The following EIF4A1 variants were observed in gnomAD, a reference collection of about 807,000 sequenced individuals.
EIF4A1 encodes the protein eukaryotic initiation factor 4A-I.
A neutral mutation model predicts 53.5 loss-of-function variants in EIF4A1; 11 were observed. That is an observed-to-expected ratio of 0.21 (90% CI 0.13 to 0.34). The LOEUF (loss-of-function observed/expected upper bound fraction) is 0.34. Among genes scored for constraint, EIF4A1 ranks in the 10% least tolerant of loss-of-function variants. EIF4A1 has a pLI of 1.00. For missense variants in EIF4A1, 213 were observed against 530.8 expected (o/e 0.40, Z 5.88); for synonymous variants, 237 against 186.7 (o/e 1.27, Z -2.20).
chr17:7,576,952 C>A, intron 5 of EIF4A1, 104 bp from the exon 6 acceptor site: 2 of 1,400,460 alleles, frequency 1.4e-6, no homozygotes, highest in East Asian at 4.6e-5. Flanking sequence ...ACTCTGAGAG[C>A]AGACTACTTG....
At chr17:7,574,741 G>C (rs2071377330) in intron 3 of EIF4A1, 63 bp downstream of exon 3, 1 of 1,605,252 alleles carries the variant, frequency 6.2e-7, no homozygotes, top group African/African-American at 1.3e-5. Context: ...AGTGGCATCT[G>C]GTTGGTGATG....
Position 7,578,714 on chromosome 17 carries a change from A to AAC in EIF4A1, c.*229_*230insCA. 1 of 403,076 alleles carries AAC rather than the reference A, an allele frequency of 2.5e-6. No homozygotes were observed. The highest frequency in any genetic ancestry group is 4.3e-6 in the Non-Finnish European group (1 of 232,448). The allele number at this position is 403,076 out of a possible 1,614,324, so 25.0% of individuals were successfully genotyped here. A position where few individuals can be genotyped will look rare whatever the true frequency, so the allele number is the denominator to read the frequency against. On this transcript the variant is annotated 3_prime_UTR_variant, in exon 11 of 11. Transcript: ENST00000293831. ...GGCTCTTCTCCCAAAAAAAAAAAAA[A>AAC]AACACTAATCCATTTCCCTAACCTA...
intron 1 of EIF4A1, 160 bp from the exon 2 acceptor site, chr17:7,574,100 A>G: frequency 3.7e-6 from 3 of 800,060 alleles, no homozygotes; most frequent in Non-Finnish European, 6.1e-6. Flanking sequence ...TCAGTTTTAT[A>G]GAAACTCCTC....
In EIF4A1 at chr17:7,572,930, G is replaced by C; in HGVS notation, c.23+66G>C. 3 of 1,613,848 alleles carry C rather than the reference G, an allele frequency of 1.9e-6. No individual in the cohort carries two copies. In the South Asian group the frequency reaches 3.3e-5, roughly 18 times the overall value. On this transcript the variant is annotated intron_variant, in intron 1 of 10. Transcript: ENST00000293831. Reference sequence around the variant, plus strand: ...GCCGCCCCCTTCCGACGGGCCCGCCGGGGGTAGCTGAGAGGCCCACCAGGG... The same window carrying C: ...GCCGCCCCCTTCCGACGGGCCCGCCCGGGGTAGCTGAGAGGCCCACCAGGG...
chr17:7,574,977 G>A, intron 3 of EIF4A1, 142 bp from the exon 4 acceptor site: 1 of 1,216,282 alleles, frequency 8.2e-7, no homozygotes, highest in Non-Finnish European at 1.2e-6. Flanking sequence ...TTCCCATTGT[G>A]TAACTGTGTT....
At position 7,577,281 on chromosome 17, in the gene EIF4A1, T is replaced by C; in HGVS notation, c.625-63T>C. 4 of 1,597,380 alleles carry C rather than the reference T, an allele frequency of 2.5e-6. No homozygotes were observed. Among genetic ancestry groups the C allele is most frequent in the South Asian group, 1.1e-5 (1 of 88,792 alleles). On this transcript the variant is annotated intron_variant, in intron 6 of 10. Coordinates refer to ENST00000293831, the MANE Select transcript of EIF4A1 (RefSeq NM_001416.4). The surrounding 1 kb of genome is among the most constrained non-coding windows in gnomAD (Gnocchi z 4.7). Reference sequence around the variant, plus strand: ...CATCTGCTTCAGTTTTAGGTGTGGCTAGGGAAGGGAGCAGGCCTCAGGAAG... The same window carrying C: ...CATCTGCTTCAGTTTTAGGTGTGGCCAGGGAAGGGAGCAGGCCTCAGGAAG...
At position 7,577,680 on chromosome 17, in the gene EIF4A1, G is replaced by T; in HGVS notation, c.880G>T (p.Ala294Ser). ...KVDWLTEKMH[A>S]RDFTVSAMHG... ...GGACTGGCTCACCGAGAAGATGCAT[G>T]CTCGAGATTTCACTGTATCCGCCAT... The change falls in exon 8 of 11, where the codon GCT (alanine) becomes TCT (serine). Residue 294 changes from alanine (A) to serine (S), a missense_variant. Ala to Ser is a moderately conservative substitution (Grantham distance 99). Coordinates refer to ENST00000293831, the MANE Select transcript of EIF4A1 (RefSeq NM_001416.4). This position sits in a 1 kb window ranked among gnomAD's most constrained non-coding sequence, Gnocchi z 4.7. 1 of 1,613,090 alleles carries T rather than the reference G, an allele frequency of 6.2e-7. No individual in the cohort carries two copies.
Position 7,577,003 on chromosome 17 carries a change from T to C in EIF4A1, c.515-53T>C. On this transcript the variant is annotated intron_variant, in intron 5 of 10. Coordinates refer to ENST00000293831, the MANE Select transcript of EIF4A1 (RefSeq NM_001416.4). This position sits in a 1 kb window ranked among gnomAD's most constrained non-coding sequence, Gnocchi z 4.7. ...TTATCAGCGAAGTTGGATATATCTC[T>C]CCCACATTTCCCTAATCATATGCTA... is the stretch of plus-strand genomic sequence containing the variant. 1.3e-6 allele frequency: 2 copies of C among 1,597,872 alleles called. No homozygotes were observed. The highest frequency in any genetic ancestry group is 1.3e-5 in the African/African-American group (1 of 74,586).
chr17:7,574,363 A>G, intron 2 of EIF4A1, 55 bp downstream of exon 2: 2 of 1,612,948 alleles, frequency 1.2e-6, no homozygotes, highest in Non-Finnish European at 8.5e-7. Context: ...TCAGCCGTAT[A>G]GAGTTAGAGT....
At position 7,577,025 on chromosome 17, in the gene EIF4A1, G is replaced by A. The variant is rs1053109896; in HGVS notation, c.515-31G>A. ...CTCTCCCACATTTCCCTAATCATATGCTATATATTGGCTTTTTTTTTCTTC... is the reference window on the plus strand; with the variant it reads ...CTCTCCCACATTTCCCTAATCATATACTATATATTGGCTTTTTTTTTCTTC... On this transcript the variant is annotated intron_variant, in intron 5 of 10. Coordinates refer to ENST00000293831, the MANE Select transcript of EIF4A1 (RefSeq NM_001416.4). This position sits in a 1 kb window ranked among gnomAD's most constrained non-coding sequence, Gnocchi z 4.7. 5.0e-6 allele frequency: 8 copies of A among 1,610,750 alleles called. No individual in the cohort carries two copies. The highest frequency in any genetic ancestry group is 3.3e-5 in the Admixed American group (2 of 59,950).
intron 5 of EIF4A1, 75 bp downstream of exon 5, chr17:7,576,767 A>G: frequency 6.4e-7 from 1 of 1,557,698 alleles, no homozygotes; most frequent in Non-Finnish European, 8.7e-7. Context: ...AGCGTAAGCC[A>G]GAGTCATTCC....
intron 1 of EIF4A1, chr17:7,573,559 C>T (rs1468855748): frequency 2.7e-5 from 4 of 145,956 alleles, no homozygotes; most frequent in African/African-American, 5.1e-5. Context: ...TATGGGAGGG[C>T]GACGCTACTT....
At chr17:7,575,368 G>T in intron 4 of EIF4A1, 110 bp downstream of exon 4, 2 of 1,489,322 alleles carry the variant, frequency 1.3e-6, no homozygotes, top group Non-Finnish European at 1.9e-6. Flanking sequence ...AGACATGGGT[G>T]CCCTAACACT....
At chr17:7,576,815 T>C (rs1441140092) in intron 5 of EIF4A1, 123 bp downstream of exon 5, 1 of 1,512,498 alleles carries the variant, frequency 6.6e-7, no homozygotes. Context: ...AGAGCTGCTC[T>C]GTGATGGAGC....
chr17:7,577,031 T>C lies in EIF4A1; in HGVS notation c.515-25T>C. On this transcript the variant is annotated intron_variant, in intron 5 of 10. Coordinates refer to ENST00000293831, the MANE Select transcript of EIF4A1 (RefSeq NM_001416.4). This position sits in a 1 kb window ranked among gnomAD's most constrained non-coding sequence, Gnocchi z 4.7. ...CACATTTCCCTAATCATATGCTATA[T>C]ATTGGCTTTTTTTTTCTTCTCTAGC... 6.2e-7 allele frequency: 1 copy of C among 1,612,690 alleles called. No homozygotes were observed. The highest frequency in any genetic ancestry group is 8.5e-7 in the Non-Finnish European group (1 of 1,178,816).
rs2071421937 is a variant in EIF4A1 at position 7,577,805 on chromosome 17, G to A, written c.907-22G>A. ...AACCCAGGTGCCTACCTGGTCTGCTGCATATTTGTTTTCTCTTCCAGCATG... is the reference window on the plus strand; with the variant it reads ...AACCCAGGTGCCTACCTGGTCTGCTACATATTTGTTTTCTCTTCCAGCATG... On this transcript the variant is annotated intron_variant, in intron 8 of 10. Coordinates refer to ENST00000293831, the MANE Select transcript of EIF4A1 (RefSeq NM_001416.4). The surrounding 1 kb of genome is among the most constrained non-coding windows in gnomAD (Gnocchi z 4.7). The A allele has an allele frequency of 6.2e-7, 1 of 1,614,048 alleles. No individual in the cohort carries two copies. The highest frequency in any genetic ancestry group is 8.5e-7 in the Non-Finnish European group (1 of 1,180,044).
Position 7,575,288 on chromosome 17 carries a change from G to C in EIF4A1, c.345+30G>C, listed in dbSNP as rs199800203. On this transcript the variant is annotated intron_variant, in intron 4 of 10. Transcript: ENST00000293831. Reference sequence around the variant, plus strand: ...GAGTGGCTTCTATTCCCTCCTTCAGGGCTGATTTAGGGATGATGAGTATAA... The same window carrying C: ...GAGTGGCTTCTATTCCCTCCTTCAGCGCTGATTTAGGGATGATGAGTATAA... 194 of 1,612,976 alleles carry C rather than the reference G, an allele frequency of 1.2e-4. 1 individual carries two copies. The highest frequency in any genetic ancestry group is 1.6e-4 in the Non-Finnish European group (192 of 1,180,016).
chr17:7,578,481 A>T lies in EIF4A1; in HGVS notation c.1216A>T (p.Ile406Phe). 1 of 1,594,528 alleles carries T rather than the reference A, an allele frequency of 6.3e-7. No homozygotes were observed. Among genetic ancestry groups the T allele is most frequent in the Non-Finnish European group, 8.6e-7 (1 of 1,168,232 alleles). ...EEMPLNVADL[I>F] ...AATGCCCCTCAATGTTGCTGACCTC[A>T]TCTGAGGGGCTGTCCTGCCACCCAG... The change falls in exon 11 of 11, where the codon ATC becomes TTC. Residue 406 changes from isoleucine (I) to phenylalanine (F), a missense_variant. Physicochemically the swap from Ile to Phe is conservative, Grantham distance 21 (BLOSUM62 0). This residue lies in a region of EIF4A1 where 28 missense variants were observed against 42.5 expected (regional missense o/e 0.66). Transcript: ENST00000293831.
At position 7,577,904 on chromosome 17, in the gene EIF4A1, C is replaced by T; in HGVS notation, c.984C>T (p.Thr328=). The part of the protein sequence containing the change: ...FRSGSSRVLI[T]TDLLARGIDV... The stretch of plus-strand genomic sequence containing the variant: ...CTGGCTCTAGCAGAGTTTTGATTAC[C>T]ACTGACCTGCTGGTGAGTAGAGGGA... Residue 328 remains threonine (T), a synonymous_variant, in exon 9 of 11, where the codon ACC becomes ACT. Coordinates refer to ENST00000293831, the MANE Select transcript of EIF4A1 (RefSeq NM_001416.4). The surrounding 1 kb of genome is among the most constrained non-coding windows in gnomAD (Gnocchi z 4.7). 6.2e-7 allele frequency: 1 copy of T among 1,614,176 alleles called. No individual in the cohort carries two copies. The highest frequency in any genetic ancestry group is 8.5e-7 in the Non-Finnish European group (1 of 1,180,034).
Sources: allele counts gnomAD v4.1 joint callset, GRCh38; gene constraint gnomAD v4.1.1; regional missense constraint gnomAD v4.1.1; non-coding constraint Gnocchi (gnomAD v3.1); transcripts MANE v1.5; gene names NCBI Gene and HGNC (gene_info 2026-07-23, HGNC 2026-07-21).